The following ARFGEF2 variants were observed in gnomAD, a reference collection of about 807,000 sequenced individuals.
The protein encoded by ARFGEF2 is brefeldin A-inhibited guanine nucleotide-exchange protein 2.
In ARFGEF2, 74 loss-of-function variants were observed where a neutral mutation model predicts 219.9. The observed-to-expected ratio is 0.34, with a 90% CI of 0.28 to 0.41. The LOEUF (loss-of-function observed/expected upper bound fraction) is 0.41. ARFGEF2 is among the 10% of genes least tolerant of loss of function. The pLI is 1.00. For missense variants in ARFGEF2, 1,743 were observed against 2,218.3 expected (o/e 0.79, Z 4.30); for synonymous variants, 733 against 799.2 (o/e 0.92, Z 1.40).
intron 9 of ARFGEF2, among the ~76,000 whole-genome samples, chr20:48,970,735 G>A (rs1284877104): frequency 1.3e-5 from 2 of 152,180 alleles, no homozygotes; most frequent in Non-Finnish European, 2.9e-5. Flanking sequence ...GGGCTGTGAG[G>A]TAGGTGGATA....
intron 23 of ARFGEF2, among the ~76,000 whole-genome samples, chr20:48,996,741 TA>T (rs57732705): frequency 2.0e-3 from 215 of 107,906 alleles, no homozygotes; most frequent in Non-Finnish European, 3.0e-3. Flanking sequence ...AGACTCCGTC[TA>T]AAAAAAAAAA....
chr20:48,982,990 A>G lies in ARFGEF2; in HGVS notation c.1959-1739A>G, dbSNP rs76932662. On this transcript the variant is annotated intron_variant, in intron 14 of 38. Transcript: ENST00000371917. ...GCCCCGCCCTGCTTCAGCTCACCCT[A>G]CGTGGGCTGCACCCACTGTCCAACC... is the stretch of plus-strand genomic sequence containing the variant. Among the ~76,000 whole-genome samples the G allele has an allele frequency of 4.5e-4, 68 of 152,268 alleles. No individual in the cohort carries two copies. In the East Asian group the frequency reaches 0.013, roughly 29 times the overall value.
chr20:48,968,055 G>A (rs751961596), intron 8 of ARFGEF2, among the ~76,000 whole-genome samples: 52 of 152,106 alleles, frequency 3.4e-4, no homozygotes, highest in African/African-American at 1.1e-3. Context: ...GTGCAGTGGC[G>A]CAATCTTGGC....
chr20:48,965,796 T>C (rs1479208072), intron 7 of ARFGEF2, 76 bp from the exon 8 acceptor site: 6 of 1,571,750 alleles, frequency 3.8e-6, no homozygotes, highest in Non-Finnish European at 5.3e-6. Context: ...CACAGATAAC[T>C]TCTTTTTGGT....
intron 9 of ARFGEF2, 97 bp from the exon 10 acceptor site, chr20:48,971,023 T>C: frequency 1.0e-6 from 1 of 992,200 alleles, no homozygotes; most frequent in Non-Finnish European, 1.6e-6. Context: ...TTCTTTAAAA[T>C]TCTACTCATT....
chr20:48,985,400 T>A lies in ARFGEF2; in HGVS notation c.2071-8T>A. The A allele has an allele frequency of 6.2e-7, 1 of 1,614,130 alleles. No homozygotes were observed. Among genetic ancestry groups the A allele is most frequent in the Non-Finnish European group, 8.5e-7 (1 of 1,179,998 alleles). ...ATTTCTGGATATAAGTGAGTGTGTA[T>A]GTTTCAGACCCAAGTAGGCGATTTT... is the stretch of plus-strand genomic sequence containing the variant. On this transcript the variant is annotated splice_polypyrimidine_tract_variant and splice_region_variant and intron_variant, in intron 15 of 38. Transcript: ENST00000371917.
intron 14 of ARFGEF2, among the ~76,000 whole-genome samples, chr20:48,978,024 T>G (rs919961236): frequency 6.6e-6 from 1 of 152,224 alleles, no homozygotes; most frequent in African/African-American, 2.4e-5. Context: ...GCCATTGCTT[T>G]TGGTGTTTTA....
chr20:48,956,153 T>C (rs1168685108), intron 6 of ARFGEF2, among the ~76,000 whole-genome samples: 1 of 152,226 alleles, frequency 6.6e-6, no homozygotes, highest in Non-Finnish European at 1.5e-5. Context: ...TACATATTAC[T>C]AAAGTGCATG....
chr20:48,945,283 G>T (rs1055852078), intron 3 of ARFGEF2, among the ~76,000 whole-genome samples: 11 of 152,142 alleles, frequency 7.2e-5, no homozygotes, highest in African/African-American at 2.7e-4. Flanking sequence ...TATTACCTGT[G>T]GCTGCCTTCC....
intron 21 of ARFGEF2, 140 bp downstream of exon 21, chr20:48,991,338 T>G (rs1190113757): frequency 7.8e-7 from 1 of 1,276,376 alleles, no homozygotes; most frequent in African/African-American, 1.5e-5. Flanking sequence ...TCACCCTCTC[T>G]GGGGCTGTGA....
chr20:48,928,444 C>G (rs1289050391), intron 1 of ARFGEF2, among the ~76,000 whole-genome samples: 9 of 145,174 alleles, frequency 6.2e-5, no homozygotes, highest in African/African-American at 2.3e-4. Context: ...GTGATCCGCC[C>G]GCCTCGGCCT....
At chr20:49,030,980 A>G (rs535052993) in intron 37 of ARFGEF2, among the ~76,000 whole-genome samples, 1 of 152,290 alleles carries the variant, frequency 6.6e-6, no homozygotes, top group East Asian at 1.9e-4. Flanking sequence ...CAACAAGAGC[A>G]AGACTCCGTC....
intron 6 of ARFGEF2, among the ~76,000 whole-genome samples, chr20:48,962,572 T>C (rs1267346796): frequency 6.6e-6 from 1 of 152,202 alleles, no homozygotes; most frequent in African/African-American, 2.4e-5. Flanking sequence ...TGAGTAACAG[T>C]GATCTAGTCT....
chr20:49,015,500 CG>C (rs2091524342), intron 30 of ARFGEF2, among the ~76,000 whole-genome samples: 1 of 152,136 alleles, frequency 6.6e-6, no homozygotes. Context: ...GGTTGCTTTC[CG>C]GTTTTTCTGG....
intron 33 of ARFGEF2, among the ~76,000 whole-genome samples, chr20:49,017,768 T>C (rs1000828795): frequency 1.3e-5 from 2 of 152,214 alleles, no homozygotes; most frequent in Admixed American, 6.5e-5. Context: ...CATTTCTAGC[T>C]GCCGCTTTGT....
chr20:49,007,338 G>A (rs1208723966), intron 26 of ARFGEF2, among the ~76,000 whole-genome samples: 1 of 143,282 alleles, frequency 7.0e-6, no homozygotes, highest in South Asian at 2.2e-4. Flanking sequence ...TGCCGAGGCT[G>A]GAGTGTAATG....
intron 9 of ARFGEF2, among the ~76,000 whole-genome samples, chr20:48,970,736 T>C (rs2091221803): frequency 6.6e-6 from 1 of 152,016 alleles, no homozygotes; most frequent in South Asian, 2.1e-4. Context: ...GGCTGTGAGG[T>C]AGGTGGATAA....
intron 28 of ARFGEF2, 66 bp downstream of exon 28, chr20:49,012,150 GCTC>G (rs2091503834): frequency 1.2e-6 from 2 of 1,605,824 alleles, no homozygotes; most frequent in East Asian, 4.5e-5. Context: ...AGAAATTCTT[GCTC>G]CTAACAAAGA....
chr20:48,960,644 T>C (rs1348665098), intron 6 of ARFGEF2, among the ~76,000 whole-genome samples: 2 of 151,590 alleles, frequency 1.3e-5, no homozygotes, highest in Non-Finnish European at 2.9e-5. Context: ...CTACCACACC[T>C]GGCTAATTTT....
Sources: allele counts gnomAD v4.1 joint callset (sites outside exome capture counted in the v4.1 genomes callset), GRCh38; gene constraint gnomAD v4.1.1; transcripts MANE v1.5; gene names NCBI Gene and HGNC (gene_info 2026-07-23, HGNC 2026-07-21).